ATXN10: variants seen among roughly 807,000 people sequenced by gnomAD.
The protein encoded by ATXN10 is ataxin 10, also known as ataxin-10.
Under a neutral mutation model 52.9 loss-of-function variants are expected in ATXN10, and 28 were observed. The ratio of observed to expected loss-of-function variants is 0.53; its 90% CI spans 0.39 to 0.73. ATXN10 has a LOEUF of 0.73. Among genes scored for constraint, ATXN10 ranks in the 30% least tolerant of loss-of-function variants. ATXN10 has a pLI of 0.00. For synonymous variants in ATXN10, 226 were observed against 221.5 expected (o/e 1.02, Z -0.18); for missense variants, 565 against 577.0 (o/e 0.98, Z 0.21).
At chr22:45,730,432 G>GTTGT (rs1353537226) in intron 7 of ATXN10, among the ~76,000 whole-genome samples, 1 of 151,832 alleles carries the variant, frequency 6.6e-6, no homozygotes, top group Non-Finnish European at 1.5e-5. Flanking sequence ...GGACATTTAG[G>GTTGT]TTGTTTGTTT....
In ATXN10 at chr22:45,733,284, G is replaced by T. The variant is rs1925157382; in HGVS notation, c.894+3694G>T. Among the ~76,000 whole-genome samples the T allele has an allele frequency of 6.6e-6, 1 of 152,116 alleles. No homozygotes were observed. The highest frequency in any genetic ancestry group is 2.4e-5 in the African/African-American group (1 of 41,418). On this transcript the variant is annotated intron_variant, in intron 7 of 11. Transcript: ENST00000252934. This position sits in a 1 kb window ranked among gnomAD's most constrained non-coding sequence, Gnocchi z 4.4. ...TACTGTAGTACCTGTTATGCAGTAG[G>T]TATTACATATTTAATTACATAATAC...
At chr22:45,792,688 G>A in intron 9 of ATXN10, 1 of 308,832 alleles carries the variant, frequency 3.2e-6, no homozygotes, top group Non-Finnish European at 6.6e-6. Context: ...GGTTTCAGTG[G>A]CTCTGAACTA....
rs185980207 is a variant in ATXN10, at chr22:45,775,912, G to A, written c.1174-31047G>A. On this transcript the variant is annotated intron_variant, in intron 9 of 11. Transcript: ENST00000252934. The surrounding 1 kb of genome is among the most constrained non-coding windows in gnomAD (Gnocchi z 4.7). The stretch of plus-strand genomic sequence containing the variant: ...CTGGTGTTTGAAACCTGGAGCTCCC[G>A]GAGATTAAGTGGAGCCACCATGGGC... Among the ~76,000 whole-genome samples the A allele has an allele frequency of 3.9e-5, 6 of 152,236 alleles. No homozygotes were observed. Among genetic ancestry groups the A allele is most frequent in the Admixed American group, 1.3e-4 (2 of 15,288 alleles).
rs1326288249 is a variant in ATXN10, at chr22:45,681,238, G to A, written c.117-8474G>A. On this transcript the variant is annotated intron_variant, in intron 1 of 11. Coordinates refer to ENST00000252934, the MANE Select transcript of ATXN10 (RefSeq NM_013236.4). This position sits in a 1 kb window ranked among gnomAD's most constrained non-coding sequence, Gnocchi z 4.2. Reference sequence around the variant, plus strand: ...ATTTTCCTTTCATTATCCTGACCTCGAATTTCTTTGACTTTCTCTCCCTTA... The same window carrying A: ...ATTTTCCTTTCATTATCCTGACCTCAAATTTCTTTGACTTTCTCTCCCTTA... Among the ~76,000 whole-genome samples the A allele has an allele frequency of 1.3e-5, 2 of 151,896 alleles. No homozygotes were observed. Among genetic ancestry groups the A allele is most frequent in the African/African-American group, 4.8e-5 (2 of 41,334 alleles).
intron 9 of ATXN10, among the ~76,000 whole-genome samples, chr22:45,798,432 A>G (rs759909267): frequency 6.6e-6 from 1 of 152,218 alleles, no homozygotes; most frequent in Non-Finnish European, 1.5e-5. Flanking sequence ...AGGAAACAAT[A>G]TGATTATCTC....
chr22:45,722,905 A>G (rs2146780643), intron 6 of ATXN10, among the ~76,000 whole-genome samples: 1 of 152,090 alleles, frequency 6.6e-6, no homozygotes, highest in South Asian at 2.1e-4. Flanking sequence ...CTATCTGTGG[A>G]TACCTTAACA....
rs2146830621 is a variant in ATXN10 at position 45,762,147 on chromosome 22, T to C, written c.1173+21609T>C. Among the ~76,000 whole-genome samples the C allele has an allele frequency of 6.6e-6, 1 of 152,382 alleles. No homozygotes were observed. The highest frequency in any genetic ancestry group is 1.9e-4 in the East Asian group (1 of 5,190). ...AACAATTGCAGAAAAAGTGAAAAGC[T>C]TGACATTACAGGTAGAAAGGAAGTC... On this transcript the variant is annotated intron_variant, in intron 9 of 11. Transcript: ENST00000252934. This position sits in a 1 kb window ranked among gnomAD's most constrained non-coding sequence, Gnocchi z 4.3.
chr22:45,721,134 C>T (rs572692761), intron 6 of ATXN10, among the ~76,000 whole-genome samples: 13 of 152,248 alleles, frequency 8.5e-5, no homozygotes, highest in African/African-American at 1.4e-4. Context: ...GCAGATTACT[C>T]GGTGGGGAAA....
intron 9 of ATXN10, among the ~76,000 whole-genome samples, chr22:45,765,785 A>T (rs760879771): frequency 6.6e-6 from 1 of 152,144 alleles, no homozygotes; most frequent in Non-Finnish European, 1.5e-5. Context: ...AGGTAAAAAG[A>T]CTCAATTTCA....
chr22:45,812,158 A>G (rs1928303449), intron 10 of ATXN10, among the ~76,000 whole-genome samples: 1 of 152,138 alleles, frequency 6.6e-6, no homozygotes, highest in Admixed American at 6.5e-5. Context: ...CTTTTCTCTC[A>G]AGTCCCAGCT....
intron 9 of ATXN10, among the ~76,000 whole-genome samples, chr22:45,779,548 C>T (rs1028664158): frequency 2.6e-5 from 4 of 152,158 alleles, no homozygotes; most frequent in Admixed American, 6.5e-5. Context: ...TCTTGCAGTA[C>T]GCAACCACTG....
chr22:45,687,074 C>T (rs1369452955), intron 1 of ATXN10, among the ~76,000 whole-genome samples: 2 of 152,086 alleles, frequency 1.3e-5, no homozygotes, highest in East Asian at 1.9e-4. Context: ...ACTCTTTAGT[C>T]GCTATTAATA....
At chr22:45,773,115 A>C (rs546723246) in intron 9 of ATXN10, among the ~76,000 whole-genome samples, 1 of 152,314 alleles carries the variant, frequency 6.6e-6, no homozygotes, top group African/African-American at 2.4e-5. Context: ...TGTACATGTT[A>C]CTTTTTAAAA....
At chr22:45,723,839 C>T (rs945176325) in intron 6 of ATXN10, among the ~76,000 whole-genome samples, 2 of 151,926 alleles carry the variant, frequency 1.3e-5, no homozygotes, top group African/African-American at 4.8e-5. Context: ...GCCTGTTATC[C>T]CAGCTACTCG....
chr22:45,765,200 G>A (rs2056557496), intron 9 of ATXN10, among the ~76,000 whole-genome samples: 2 of 152,054 alleles, frequency 1.3e-5, no homozygotes, highest in South Asian at 4.2e-4. Flanking sequence ...CTTCCCCAAG[G>A]CAATGGCAGG....
In ATXN10 at chr22:45,841,841, C is replaced by T. The variant is rs1929354494; in HGVS notation, c.1238-1150C>T. ...AGCTAGAAATGTCTCAGAACTGGTCCACAGCGTTGCACAGGGGTGTTCAGG... is the reference window on the plus strand; with the variant it reads ...AGCTAGAAATGTCTCAGAACTGGTCTACAGCGTTGCACAGGGGTGTTCAGG... On this transcript the variant is annotated intron_variant, in intron 10 of 11. Coordinates refer to ENST00000252934, the MANE Select transcript of ATXN10 (RefSeq NM_013236.4). This position sits in a 1 kb window ranked among gnomAD's most constrained non-coding sequence, Gnocchi z 5.1. Among the ~76,000 whole-genome samples, 1 of 152,126 alleles carries T rather than the reference C, an allele frequency of 6.6e-6. No homozygotes were observed. The highest frequency in any genetic ancestry group is 1.5e-5 in the Non-Finnish European group (1 of 68,024).
At chr22:45,817,815 T>C (rs1451194872) in intron 10 of ATXN10, among the ~76,000 whole-genome samples, 2 of 151,980 alleles carry the variant, frequency 1.3e-5, no homozygotes, top group East Asian at 3.9e-4. Context: ...GTGAGATGAA[T>C]TGGTGATGCT....
chr22:45,793,026 CT>C, intron 9 of ATXN10: 3 of 289,362 alleles, frequency 1.0e-5, no homozygotes, highest in East Asian at 7.4e-5. Flanking sequence ...CCAGCCAGGC[CT>C]TTTGCAGGCT....
At position 45,806,737 on chromosome 22, in the gene ATXN10, G is replaced by A. The variant is rs1361250149; in HGVS notation, c.1174-222G>A. On this transcript the variant is annotated intron_variant, in intron 9 of 11. Coordinates refer to ENST00000252934, the MANE Select transcript of ATXN10 (RefSeq NM_013236.4). ...TTCTTTTTTATATGGCTACCTACTT[G>A]CCCCAATATTTTTTTTTGAAGTCCA... Among the ~76,000 whole-genome samples the A allele has an allele frequency of 2.0e-5, 3 of 151,804 alleles. 1 individual carries two copies. Among genetic ancestry groups the A allele is most frequent in the African/African-American group, 7.3e-5 (3 of 41,318 alleles).
Sources: gnomAD v4.1 joint callset for allele counts (sites outside exome capture counted in the v4.1 genomes callset) on GRCh38, gnomAD v4.1.1 for gene constraint, Gnocchi (gnomAD v3.1) non-coding constraint, MANE v1.5 for transcripts, NCBI Gene and HGNC (gene_info 2026-07-23, HGNC 2026-07-21) for gene names.